The following MDGA2 variants were observed in gnomAD, a reference collection of about 807,000 sequenced individuals.
The protein encoded by MDGA2 is MAM domain containing glycosylphosphatidylinositol anchor 2.
Under a neutral mutation model 117.8 loss-of-function variants are expected in MDGA2, and 40 were observed. That is an observed-to-expected ratio of 0.34 (90% CI 0.26 to 0.44). The LOEUF is 0.44. MDGA2 is among the 20% of genes least tolerant of loss of function. The pLI is 1.00. For missense variants in MDGA2, 1,123 were observed against 1,250.6 expected (o/e 0.90, Z 1.54); for synonymous variants, 452 against 439.0 (o/e 1.03, Z -0.37).
intron 1 of MDGA2, among the ~76,000 whole-genome samples, chr14:47,307,706 GA>G (rs933493661): frequency 1.4e-4 from 21 of 149,966 alleles, no homozygotes; most frequent in Admixed American, 8.0e-4. Flanking sequence ...AAAAAGGCAG[GA>G]AAAAAATATG....
intron 1 of MDGA2, among the ~76,000 whole-genome samples, chr14:47,657,732 A>G (rs1253178292): frequency 3.9e-5 from 6 of 152,204 alleles, no homozygotes; most frequent in Non-Finnish European, 5.9e-5. Flanking sequence ...TCCACTGAAC[A>G]GAAAAGAAGG....
Position 46,855,041 on chromosome 14 carries a change from G to T in MDGA2, c.2866C>A (p.Pro956Thr). The change falls in exon 15 of 17, where the codon CCA (proline) becomes ACA (threonine). Residue 956 changes from proline (P) to threonine (T), a missense_variant. This residue lies in a region of MDGA2 where 890 missense variants were observed against 1,050.3 expected (regional missense o/e 0.85). Coordinates refer to ENST00000399232, the MANE Select transcript of MDGA2 (RefSeq NM_001113498.3). This position sits in a 1 kb window ranked among gnomAD's most constrained non-coding sequence, Gnocchi z 4.1. ...TTTCTTACCTGAAATGAAGTAATTG[G>T]GTATATATTAACATGAGCCTCATTC... ...RWNEAHVNIY[P>T]ITSFQLIFEG... 3.1e-6 allele frequency: 5 copies of T among 1,603,636 alleles called. No homozygotes were observed. Among genetic ancestry groups the T allele is most frequent in the Non-Finnish European group, 4.3e-6 (5 of 1,175,632 alleles).
At chr14:46,982,734 A>AAAAAAAAAT (rs1449356596) in intron 8 of MDGA2, among the ~76,000 whole-genome samples, 11 of 130,324 alleles carry the variant, frequency 8.4e-5, no homozygotes, top group Non-Finnish European at 1.5e-4. Context: ...AAAAAAAAAA[A>AAAAAAAAAT]AATCATGTCA....
At chr14:47,654,451 T>G (rs1231159653) in intron 1 of MDGA2, among the ~76,000 whole-genome samples, 1 of 152,036 alleles carries the variant, frequency 6.6e-6, no homozygotes, top group Non-Finnish European at 1.5e-5. Context: ...AACTGGCTAA[T>G]AACTAACGGT....
chr14:47,478,158 A>C (rs1005580725), intron 1 of MDGA2, among the ~76,000 whole-genome samples: 4 of 152,218 alleles, frequency 2.6e-5, no homozygotes, highest in Admixed American at 6.5e-5. Flanking sequence ...TTTAACCTTA[A>C]AAAGTTTCAG....
chr14:47,419,312 C>CT (rs200731312), intron 1 of MDGA2, among the ~76,000 whole-genome samples: 213 of 147,290 alleles, frequency 1.4e-3, no homozygotes, highest in Admixed American at 1.9e-3. Context: ...CAAAAGGAAG[C>CT]TTTTTTTTTT....
chr14:47,262,681 C>T (rs923869593), intron 2 of MDGA2, among the ~76,000 whole-genome samples: 5 of 152,206 alleles, frequency 3.3e-5, no homozygotes, highest in African/African-American at 1.2e-4. Context: ...AGATGGCAGA[C>T]CTTATTCAAA....
At position 47,548,289 on chromosome 14, in the gene MDGA2, T is replaced by C. The variant is rs962467582; in HGVS notation, c.280+126228A>G. Reference sequence around the variant, plus strand: ...CCCATCATCTGAACTTCCTCAAGAATAGTTTGTTTTGACTTTTTTTTTAAA... The same window carrying C: ...CCCATCATCTGAACTTCCTCAAGAACAGTTTGTTTTGACTTTTTTTTTAAA... On this transcript the variant is annotated intron_variant, in intron 1 of 16. Transcript: ENST00000399232. 5.3e-5 allele frequency among the ~76,000 whole-genome samples: 8 copies of C among 152,188 alleles called. No homozygotes were observed. The East Asian group carries it at 5.8e-4, about 11-fold the overall frequency.
chr14:46,957,914 C>A (rs1461991369), intron 8 of MDGA2, among the ~76,000 whole-genome samples: 1 of 152,094 alleles, frequency 6.6e-6, no homozygotes, highest in Non-Finnish European at 1.5e-5. Flanking sequence ...CCTCTTTCAG[C>A]AAATATTTTT....
intron 2 of MDGA2, among the ~76,000 whole-genome samples, chr14:47,239,223 A>G (rs551607382): frequency 3.5e-5 from 2 of 56,986 alleles, no homozygotes; most frequent in Non-Finnish European, 7.9e-5. Flanking sequence ...AAAATTTATT[A>G]AAAAAAAAAA....
intron 6 of MDGA2, among the ~76,000 whole-genome samples, chr14:47,064,960 A>G (rs1890028327): frequency 6.6e-6 from 1 of 152,114 alleles, no homozygotes; most frequent in African/African-American, 2.4e-5. Context: ...AACTAAACAA[A>G]TTCTATGGAA....
At chr14:46,972,446 AT>A (rs2138338261) in intron 8 of MDGA2, among the ~76,000 whole-genome samples, 1 of 152,262 alleles carries the variant, frequency 6.6e-6, no homozygotes, top group East Asian at 1.9e-4. Flanking sequence ...GATGGCCAAC[AT>A]TTTTTAGGTT....
intron 1 of MDGA2, among the ~76,000 whole-genome samples, chr14:47,336,957 C>T (rs1890478378): frequency 6.6e-6 from 1 of 151,914 alleles, no homozygotes; most frequent in Non-Finnish European, 1.5e-5. Context: ...GACTACCATT[C>T]TTTCATTTCT....
At chr14:46,897,941 G>A (rs1395777672) in intron 10 of MDGA2, among the ~76,000 whole-genome samples, 1 of 151,796 alleles carries the variant, frequency 6.6e-6, no homozygotes, top group African/African-American at 2.4e-5. Context: ...AGTAAAAAAT[G>A]AAATTATAAA....
At chr14:47,012,137 A>G (rs1887916266) in intron 8 of MDGA2, among the ~76,000 whole-genome samples, 1 of 152,114 alleles carries the variant, frequency 6.6e-6, no homozygotes, top group South Asian at 2.1e-4. Context: ...GCAAAAGTGA[A>G]TTAATTTAAA....
chr14:47,086,126 T>A (rs1890891321), intron 6 of MDGA2, among the ~76,000 whole-genome samples: 1 of 151,662 alleles, frequency 6.6e-6, no homozygotes, highest in Non-Finnish European at 1.5e-5. Context: ...TTTTTGTTTT[T>A]TTTTTAAGCA....
intron 3 of MDGA2, among the ~76,000 whole-genome samples, chr14:47,176,538 C>A (rs1348115458): frequency 6.6e-6 from 1 of 152,130 alleles, no homozygotes; most frequent in African/African-American, 2.4e-5. Flanking sequence ...CTGAGAAAAA[C>A]AAGCAATGGA....
At chr14:47,063,646 AAC>A (rs1438327652) in intron 6 of MDGA2, among the ~76,000 whole-genome samples, 9 of 152,162 alleles carry the variant, frequency 5.9e-5, no homozygotes, top group South Asian at 2.1e-4. Flanking sequence ...TTAGCACCAT[AAC>A]AGTTAAATGA....
intron 10 of MDGA2, among the ~76,000 whole-genome samples, chr14:46,917,983 A>C (rs1337625953): frequency 6.6e-6 from 1 of 152,194 alleles, no homozygotes; most frequent in Admixed American, 6.5e-5. Flanking sequence ...CATCCACAAC[A>C]CAGATACTAA....
Sources: gnomAD v4.1 joint callset for allele counts (sites outside exome capture counted in the v4.1 genomes callset) on GRCh38, gnomAD v4.1.1 for gene constraint, gnomAD v4.1.1 regional missense constraint, Gnocchi (gnomAD v3.1) non-coding constraint, MANE v1.5 for transcripts, NCBI Gene and HGNC (gene_info 2026-07-23, HGNC 2026-07-21) for gene names.